The following DLGAP1 variants were observed in gnomAD, a reference collection of about 807,000 sequenced individuals.
The protein encoded by DLGAP1 is disks large-associated protein 1.
In DLGAP1, 11 loss-of-function variants were observed where a neutral mutation model predicts 90.8. The observed-to-expected ratio is 0.12, with a 90% CI of 0.08 to 0.20. The LOEUF (loss-of-function observed/expected upper bound fraction) is 0.20. Among genes scored for constraint, DLGAP1 ranks in the 10% least tolerant of loss-of-function variants. The probability of loss-of-function intolerance (pLI) is 1.00; values close to 1 mark genes in which losing one functional copy is unlikely to be tolerated. For synonymous variants in DLGAP1, 558 were observed against 540.7 expected (o/e 1.03, Z -0.44); for missense variants, 1,050 against 1,333.8 (o/e 0.79, Z 3.31).
chr18:4,086,169 G>C (rs775532807), intron 2 of DLGAP1, among the ~76,000 whole-genome samples: 8 of 152,138 alleles, frequency 5.3e-5, no homozygotes, highest in Non-Finnish European at 1.2e-4. Context: ...GGTAGGACGG[G>C]AGTGGGGTGA....
At chr18:3,611,542 G>A (rs979094101) in intron 7 of DLGAP1, among the ~76,000 whole-genome samples, 8 of 152,044 alleles carry the variant, frequency 5.3e-5, no homozygotes, top group African/African-American at 1.9e-4. Context: ...TCTTTCCAAA[G>A]CCCCTGCTTG....
At chr18:4,321,868 G>A in intron 1 of DLGAP1, among the ~76,000 whole-genome samples, 1 of 152,116 alleles carries the variant, frequency 6.6e-6, no homozygotes, top group Admixed American at 6.5e-5. Context: ...CAAGCAAAAA[G>A]AACAAAGCTG....
intron 4 of DLGAP1, among the ~76,000 whole-genome samples, chr18:3,834,766 A>C (rs571027971): frequency 3.3e-5 from 5 of 152,344 alleles, no homozygotes; most frequent in African/African-American, 1.2e-4. Context: ...AATCTGTACT[A>C]TTTGAATTTT....
chr18:3,639,859 A>T lies in DLGAP1; in HGVS notation c.1592-57611T>A, dbSNP rs542926343. ...AAGCTCCGCCTCCTGGGTTCACGCCATTCTCCTGCCTCAGCCTTCGGAGCA... is the reference window on the plus strand; with the variant it reads ...AAGCTCCGCCTCCTGGGTTCACGCCTTTCTCCTGCCTCAGCCTTCGGAGCA... On this transcript the variant is annotated intron_variant, in intron 7 of 12. Transcript: ENST00000315677. Among the ~76,000 whole-genome samples, 8 of 135,612 alleles carry T rather than the reference A, an allele frequency of 5.9e-5. 1 individual carries two copies. The highest frequency in any genetic ancestry group is 1.1e-4 in the Non-Finnish European group (7 of 64,444). 89.0% of individuals were successfully genotyped at this position (135,612 alleles called of 152,430 possible). A position where few individuals can be genotyped will look rare whatever the true frequency, so the allele number is the denominator to read the frequency against.
intron 4 of DLGAP1, among the ~76,000 whole-genome samples, chr18:3,847,323 G>T (rs2069074497): frequency 6.6e-6 from 1 of 152,274 alleles, no homozygotes; most frequent in South Asian, 2.1e-4. Context: ...GAAGAGAAAG[G>T]ATGACCCCAA....
intron 3 of DLGAP1, among the ~76,000 whole-genome samples, chr18:3,990,186 A>G (rs1377747166): frequency 2.0e-5 from 3 of 152,206 alleles, no homozygotes; most frequent in Non-Finnish European, 2.9e-5. Context: ...ATGCACGTGT[A>G]TGTTTATTGC....
At chr18:3,664,213 CACACCCACA>C (rs1567923425) in intron 7 of DLGAP1, among the ~76,000 whole-genome samples, 2 of 98,934 alleles carry the variant, frequency 2.0e-5, no homozygotes, top group African/African-American at 8.9e-5. Flanking sequence ...CACACACACA[CACACCCACA>C]CACACACACA....
chr18:3,873,114 A>G (rs1306093592), intron 4 of DLGAP1, among the ~76,000 whole-genome samples: 1 of 152,128 alleles, frequency 6.6e-6, no homozygotes, highest in Non-Finnish European at 1.5e-5. Context: ...CTTTACTACC[A>G]CTGAGTCTTT....
chr18:3,629,368 A>C (rs2058432265), intron 7 of DLGAP1, among the ~76,000 whole-genome samples: 1 of 152,096 alleles, frequency 6.6e-6, no homozygotes, highest in Non-Finnish European at 1.5e-5. Flanking sequence ...GTCTACAAAC[A>C]AATAAATAAA....
chr18:3,559,739 C>T (rs1048950146), intron 9 of DLGAP1, among the ~76,000 whole-genome samples: 7 of 151,630 alleles, frequency 4.6e-5, no homozygotes, highest in African/African-American at 1.7e-4. Context: ...TCTTCTCCCT[C>T]AGCCTCCCGA....
At chr18:3,561,459 A>C (rs12953849) in intron 9 of DLGAP1, among the ~76,000 whole-genome samples, 3 of 140,724 alleles carry the variant, frequency 2.1e-5, no homozygotes, top group Non-Finnish European at 4.6e-5. Flanking sequence ...AAAAAAAAAA[A>C]CAGAAAAATG....
chr18:3,565,864 C>CA lies in DLGAP1; in HGVS notation c.2057+1625dup, dbSNP rs34728457. 5.1e-3 allele frequency among the ~76,000 whole-genome samples: 760 copies of CA among 150,394 alleles called. 5 individuals carry two copies. Among genetic ancestry groups the CA allele is most frequent in the Non-Finnish European group, 7.0e-3 (475 of 67,434 alleles). On this transcript the variant is annotated intron_variant, in intron 9 of 12. Transcript: ENST00000315677. The surrounding 1 kb of genome is among the most constrained non-coding windows in gnomAD (Gnocchi z 4.0). ...AAACCACACACAAAAAACAAACAAA[C>CA]AAAAAAAAATGATTACTAAAACTTT...
chr18:3,515,888 T>C (rs923648909), intron 10 of DLGAP1, among the ~76,000 whole-genome samples: 1 of 152,134 alleles, frequency 6.6e-6, no homozygotes, highest in African/African-American at 2.4e-5. Flanking sequence ...TTCAACAGTG[T>C]TCGCAGCATC....
At chr18:4,070,441 A>G (rs1598346598) in intron 2 of DLGAP1, among the ~76,000 whole-genome samples, 2 of 152,296 alleles carry the variant, frequency 1.3e-5, no homozygotes, top group East Asian at 3.9e-4. Context: ...ATTAATCAAC[A>G]TCTGAAAAGA....
chr18:3,637,953 T>C (rs1433880668), intron 7 of DLGAP1, among the ~76,000 whole-genome samples: 1 of 146,334 alleles, frequency 6.8e-6, no homozygotes, highest in Non-Finnish European at 1.5e-5. Flanking sequence ...GCTTTTTTTT[T>C]TTTTTTTTTT....
intron 1 of DLGAP1, among the ~76,000 whole-genome samples, chr18:4,227,258 A>G (rs920950347): frequency 1.3e-5 from 2 of 151,986 alleles, no homozygotes; most frequent in African/African-American, 4.8e-5. Context: ...TTAATAGAAG[A>G]AGACTTTAGC....
rs2064892517 is a variant in DLGAP1 at position 3,775,377 on chromosome 18, C to G, written c.1173-32865G>C. ...ATCATGGGGGCAGACTTCCCTCTTG[C>G]TGTTCTCTTGATAGAGTTCTCAAGA... On this transcript the variant is annotated intron_variant, in intron 5 of 12. Coordinates refer to ENST00000315677, the MANE Select transcript of DLGAP1 (RefSeq NM_004746.4). This position sits in a 1 kb window ranked among gnomAD's most constrained non-coding sequence, Gnocchi z 4.9. 6.6e-6 allele frequency among the ~76,000 whole-genome samples: 1 copy of G among 152,300 alleles called. No individual in the cohort carries two copies. The highest frequency in any genetic ancestry group is 2.1e-4 in the South Asian group (1 of 4,826).
intron 2 of DLGAP1, among the ~76,000 whole-genome samples, chr18:4,132,465 G>A (rs1449676593): frequency 6.6e-6 from 1 of 152,056 alleles, no homozygotes. Flanking sequence ...TGACCCTAGG[G>A]GAAATTACTT....
intron 2 of DLGAP1, among the ~76,000 whole-genome samples, chr18:4,046,729 TG>T (rs1173546260): frequency 2.0e-5 from 3 of 152,234 alleles, no homozygotes; most frequent in Non-Finnish European, 2.9e-5. Context: ...GTGAATACAT[TG>T]GGACAATTTA....
Sources: allele counts gnomAD v4.1 joint callset (sites outside exome capture counted in the v4.1 genomes callset), GRCh38; gene constraint gnomAD v4.1.1; non-coding constraint Gnocchi (gnomAD v3.1); transcripts MANE v1.5; gene names NCBI Gene and HGNC (gene_info 2026-07-23, HGNC 2026-07-21).